NID1: variants seen among roughly 807,000 people sequenced by gnomAD.
The protein encoded by NID1 is nidogen-1.
Under a neutral mutation model 130.6 loss-of-function variants are expected in NID1, and 76 were observed. That is an observed-to-expected ratio of 0.58 (90% CI 0.48 to 0.70). NID1 has a LOEUF of 0.70. NID1 is among the 30% of genes least tolerant of loss of function. NID1 has a pLI of 0.00. For missense variants in NID1, 1,517 were observed against 1,664.8 expected (o/e 0.91, Z 1.54); for synonymous variants, 665 against 675.1 (o/e 0.98, Z 0.23).
At chr1:236,020,116 G>A (rs1018730141) in intron 9 of NID1, among the ~76,000 whole-genome samples, 1 of 150,888 alleles carries the variant, frequency 6.6e-6, no homozygotes, top group East Asian at 1.9e-4. Context: ...TTCTTCAGTG[G>A]TATTGAAAAC....
intron 13 of NID1, among the ~76,000 whole-genome samples, chr1:235,992,442 G>T: frequency 6.6e-6 from 1 of 152,128 alleles, no homozygotes; most frequent in African/African-American, 2.4e-5. Context: ...CTTCACATGG[G>T]CGCCTGCTCC....
intron 12 of NID1, among the ~76,000 whole-genome samples, chr1:235,999,715 C>T (rs1047310425): frequency 3.3e-5 from 5 of 151,932 alleles, no homozygotes; most frequent in African/African-American, 4.8e-5. Context: ...TGACTTTTCT[C>T]AAGGTGGGGG....
chr1:236,056,623 C>A (rs765023966), intron 1 of NID1, among the ~76,000 whole-genome samples: 19 of 152,194 alleles, frequency 1.2e-4, no homozygotes, highest in African/African-American at 4.6e-4. Context: ...TAACCAACCT[C>A]TTTTCGTCCC....
At chr1:236,036,579 A>C (rs1659268961) in intron 5 of NID1, among the ~76,000 whole-genome samples, 1 of 152,248 alleles carries the variant, frequency 6.6e-6, no homozygotes, top group East Asian at 1.9e-4. Context: ...TATGGCTTGA[A>C]TGTCCCCTCC....
chr1:236,013,444 G>T lies in NID1; in HGVS notation c.2371C>A (p.Pro791Thr), dbSNP rs111266103. ...GCTTGGCCATCCCCAGAAAAGCCTG[G>T]CAAGCAGGAACAGGTGTAGGAGGAG... The part of the protein sequence containing the change: ...GGSSYTCSCL[P>T]GFSGDGQACQ... Residue 791 changes from proline to threonine, a missense_variant, in exon 11 of 20, where the codon CCA (proline) becomes ACA (threonine). Pro to Thr is a conservative substitution (Grantham distance 38). Coordinates refer to ENST00000264187, the MANE Select transcript of NID1 (RefSeq NM_002508.3). The T allele has an allele frequency of 1.1e-5, 17 of 1,614,084 alleles. No individual in the cohort carries two copies. The highest frequency in any genetic ancestry group is 6.7e-5 in the African/African-American group (5 of 75,046).
At chr1:236,056,996 T>C (rs1452859034) in intron 1 of NID1, among the ~76,000 whole-genome samples, 1 of 152,212 alleles carries the variant, frequency 6.6e-6, no homozygotes. Context: ...CGATGGCTCA[T>C]GCCTATAATC....
chr1:236,053,391 A>C (rs971562087), intron 1 of NID1, among the ~76,000 whole-genome samples: 7 of 152,144 alleles, frequency 4.6e-5, no homozygotes, highest in African/African-American at 1.4e-4. Context: ...CCTATCCACA[A>C]TGTTAAGTGA....
intron 6 of NID1, 121 bp from the exon 7 acceptor site, chr1:236,029,871 G>A (rs1214355595): frequency 2.3e-6 from 2 of 864,790 alleles, no homozygotes; most frequent in Non-Finnish European, 3.7e-6. Context: ...TGGTTTGGCT[G>A]TAGAACATAG....
At chr1:236,025,845 G>A (rs765036587) in intron 8 of NID1, 51 bp downstream of exon 8, 1 of 1,590,138 alleles carries the variant, frequency 6.3e-7, no homozygotes, top group Non-Finnish European at 8.6e-7. Context: ...AAAGAGTGGG[G>A]TTTTAAAAAT....
intron 1 of NID1, among the ~76,000 whole-genome samples, chr1:236,058,714 G>A (rs1195491943): frequency 3.9e-5 from 6 of 152,156 alleles, no homozygotes; most frequent in Non-Finnish European, 4.4e-5. Flanking sequence ...ACAGCCACTT[G>A]GCCGGGGGCT....
At chr1:235,983,688 C>T (rs896829563) in intron 15 of NID1, among the ~76,000 whole-genome samples, 8 of 152,196 alleles carry the variant, frequency 5.3e-5, no homozygotes, top group African/African-American at 1.2e-4. Flanking sequence ...AACCCCCTCT[C>T]CCTCAACTCA....
chr1:235,991,122 C>T, intron 13 of NID1, 64 bp from the exon 14 acceptor site: 1 of 1,307,762 alleles, frequency 7.6e-7, no homozygotes, highest in Non-Finnish European at 1.0e-6. Context: ...GATGCACACA[C>T]ACACACCCCC....
At chr1:235,993,160 C>T (rs1012573945) in intron 13 of NID1, among the ~76,000 whole-genome samples, 3 of 152,210 alleles carry the variant, frequency 2.0e-5, no homozygotes, top group African/African-American at 4.8e-5. Flanking sequence ...TAGGGCACGA[C>T]TGAAGGAGGC....
chr1:236,045,315 AAG>A, intron 3 of NID1, 140 bp downstream of exon 3: 1 of 597,070 alleles, frequency 1.7e-6, no homozygotes, highest in Non-Finnish European at 2.9e-6. Flanking sequence ...TCATCAGAAA[AAG>A]AGTATCTCAT....
At chr1:236,062,467 T>G (rs1321653704) in intron 1 of NID1, among the ~76,000 whole-genome samples, 1 of 151,850 alleles carries the variant, frequency 6.6e-6, no homozygotes, top group Non-Finnish European at 1.5e-5. Context: ...AAACCCCGCC[T>G]CTACTAAAAA....
rs114684094 is a variant in NID1 at position 236,029,773 on chromosome 1, C to T, written c.1538-23G>A. The T allele has an allele frequency of 3.5e-4, 567 of 1,613,320 alleles. 1 individual carries two copies. The African/African-American group carries it at 6.9e-3, about 20-fold the overall frequency. On this transcript the variant is annotated intron_variant, in intron 6 of 19. Coordinates refer to ENST00000264187, the MANE Select transcript of NID1 (RefSeq NM_002508.3). ...CCCCTGAAAAACAAGATGAGACTGT[C>T]ACTTTGCTGACTGGGGAGCGCGCCC... is the stretch of plus-strand genomic sequence containing the variant.
chr1:235,981,521 C>T (rs1657436127), intron 16 of NID1, 90 bp downstream of exon 16: 2 of 1,385,622 alleles, frequency 1.4e-6, no homozygotes, highest in African/African-American at 2.9e-5. Flanking sequence ...TTCAGGAGAC[C>T]AATGCTGGAG....
intron 14 of NID1, among the ~76,000 whole-genome samples, chr1:235,985,938 T>A (rs931808612): frequency 6.6e-6 from 1 of 152,018 alleles, no homozygotes; most frequent in African/African-American, 2.4e-5. Flanking sequence ...TTCTTAAAAT[T>A]TTTTGTGGCA....
At chr1:236,037,835 G>T (rs1243232806) in intron 5 of NID1, among the ~76,000 whole-genome samples, 2 of 152,326 alleles carry the variant, frequency 1.3e-5, no homozygotes, top group African/African-American at 4.8e-5. Flanking sequence ...CCACGCAGTT[G>T]TGAAGATGGG....
Sources: allele counts gnomAD v4.1 joint callset (sites outside exome capture counted in the v4.1 genomes callset), GRCh38; gene constraint gnomAD v4.1.1; transcripts MANE v1.5; gene names NCBI Gene and HGNC (gene_info 2026-07-23, HGNC 2026-07-21).